Variants in UBE2J1 observed in about 807,000 individuals in gnomAD.
UBE2J1 encodes ubiquitin-conjugating enzyme E2 J1.
A neutral mutation model predicts 42.1 loss-of-function variants in UBE2J1; 17 were observed. That is an observed-to-expected ratio of 0.40 (90% CI 0.28 to 0.61). The LOEUF is 0.61. UBE2J1 is among the 20% of genes least tolerant of loss of function. The probability of loss-of-function intolerance (pLI) is 0.38; values close to 1 mark genes in which losing one functional copy is unlikely to be tolerated. For missense variants in UBE2J1, 291 were observed against 389.4 expected, an observed-to-expected ratio of 0.75 and a Z score of 2.13; for synonymous variants, 127 against 137.2, an observed-to-expected ratio of 0.93 and a Z score of 0.52.
At position 89,352,694 on chromosome 6, in the gene UBE2J1, C is replaced by T; in HGVS notation, c.-125G>A. On this transcript the variant is annotated 5_prime_UTR_variant, in exon 1 of 8. Coordinates refer to ENST00000435041, the MANE Select transcript of UBE2J1 (RefSeq NM_016021.3). ...GGCCGAGGAGCCTCGGCAAATGCCGCCCAGTCCAGCCTGGACTGCGGGCGG... is the reference window on the plus strand; with the variant it reads ...GGCCGAGGAGCCTCGGCAAATGCCGTCCAGTCCAGCCTGGACTGCGGGCGG... The T allele has an allele frequency of 8.8e-7, 1 of 1,133,156 alleles. No homozygotes were observed. Among genetic ancestry groups the T allele is most frequent in the Non-Finnish European group, 1.2e-6 (1 of 843,592 alleles). 70.2% of individuals were successfully genotyped at this position (1,133,156 alleles called of 1,614,324 possible).
At chr6:89,342,578 T>C (rs985256536) in intron 2 of UBE2J1, 123 bp from the exon 3 acceptor site, 7 of 846,294 alleles carry the variant, frequency 8.3e-6, no homozygotes, top group Non-Finnish European at 1.2e-5. Flanking sequence ...CTAGTATAGT[T>C]TCTAATGCAT....
At chr6:89,351,016 C>CT in intron 1 of UBE2J1, among the ~76,000 whole-genome samples, 2 of 144,686 alleles carry the variant, frequency 1.4e-5, no homozygotes, top group East Asian at 4.1e-4. Flanking sequence ...TTAAGCTTTT[C>CT]TTTCCCTCTT....
Position 89,338,458 on chromosome 6 carries a change from C to G in UBE2J1, c.322+1G>C. 6.2e-7 allele frequency: 1 copy of G among 1,609,594 alleles called. No individual in the cohort carries two copies. The highest frequency in any genetic ancestry group is 8.5e-7 in the Non-Finnish European group (1 of 1,177,746). ...TATATTCACTATAAATTAACACTTACTACTCCACGAAGGCTGCCAAGTTTC... is the reference window on the plus strand; with the variant it reads ...TATATTCACTATAAATTAACACTTAGTACTCCACGAAGGCTGCCAAGTTTC... On this transcript the variant is annotated splice_donor_variant, in intron 4 of 7. Coordinates refer to ENST00000435041, the MANE Select transcript of UBE2J1 (RefSeq NM_016021.3). LOFTEE classifies it high-confidence loss of function.
intron 7 of UBE2J1, among the ~76,000 whole-genome samples, chr6:89,330,208 A>C (rs1767984523): frequency 6.6e-6 from 1 of 152,180 alleles, no homozygotes; most frequent in Admixed American, 6.5e-5. Flanking sequence ...AATCCCTTAA[A>C]ACATTGGTCT....
intron 6 of UBE2J1, among the ~76,000 whole-genome samples, chr6:89,334,081 G>A (rs1768062911): frequency 6.6e-6 from 1 of 152,124 alleles, no homozygotes; most frequent in East Asian, 1.9e-4. Context: ...TTGGCTCACT[G>A]CAACCTCCAC....
At position 89,338,208 on chromosome 6, in the gene UBE2J1, T is replaced by C. The variant is rs776341233; in HGVS notation, c.425A>G (p.Lys142Arg). 41 of 1,609,998 alleles carry C rather than the reference T, an allele frequency of 2.5e-5. No homozygotes were observed. The highest frequency in any genetic ancestry group is 1.0e-4 in the Admixed American group (6 of 59,158). The change falls in exon 5 of 8, where the codon AAA (lysine) becomes AGA (arginine). Residue 142 changes from lysine (K) to arginine (R), a missense_variant. By Grantham distance (26) the Lys-to-Arg change is conservative. Transcript: ENST00000435041. ...AAGAATGAAATGCAAAACTTACTTT[T>C]TGGCAAGTGCTCTTCTTTCCTCAGG... is the stretch of plus-strand genomic sequence containing the variant. ...YTPEERRALAKKSQDFCCEGC... is the reference protein window; with the variant it reads ...YTPEERRALARKSQDFCCEGC...
At chr6:89,344,523 A>C (rs1582487290) in intron 1 of UBE2J1, among the ~76,000 whole-genome samples, 1 of 152,248 alleles carries the variant, frequency 6.6e-6, no homozygotes, top group East Asian at 1.9e-4. Flanking sequence ...CCCTTAATAA[A>C]ATCCAACTGT....
intron 5 of UBE2J1, among the ~76,000 whole-genome samples, chr6:89,336,978 T>C (rs991109489): frequency 6.6e-6 from 1 of 151,982 alleles, no homozygotes; most frequent in Non-Finnish European, 1.5e-5. Context: ...TAGCTGAGAC[T>C]ACAGGCACGT....
chr6:89,338,855 C>A (rs1040053719), intron 3 of UBE2J1, among the ~76,000 whole-genome samples: 1 of 151,724 alleles, frequency 6.6e-6, no homozygotes, highest in East Asian at 1.9e-4. Context: ...TTAGTAGAGA[C>A]GGGGTTTCAC....
chr6:89,333,435 A>T (rs1354342851), intron 6 of UBE2J1, among the ~76,000 whole-genome samples: 1 of 152,242 alleles, frequency 6.6e-6, no homozygotes, highest in Non-Finnish European at 1.5e-5. Context: ...GATGAGGGAC[A>T]AAACTAACAC....
chr6:89,340,856 A>G (rs549708791), intron 3 of UBE2J1, among the ~76,000 whole-genome samples: 27 of 151,570 alleles, frequency 1.8e-4, no homozygotes, highest in African/African-American at 6.5e-4. Context: ...GCTCACTGCA[A>G]GCTCCGCTTC....
chr6:89,332,952 C>T (rs1324044010), intron 7 of UBE2J1, 134 bp downstream of exon 7: 7 of 627,246 alleles, frequency 1.1e-5, no homozygotes, highest in Non-Finnish European at 9.9e-6. Flanking sequence ...AATTCATTAG[C>T]GGGACTGATG....
Position 89,329,976 on chromosome 6 carries a change from C to G in UBE2J1, c.679-19G>C, listed in dbSNP as rs764281364. On this transcript the variant is annotated intron_variant, in intron 7 of 7. Coordinates refer to ENST00000435041, the MANE Select transcript of UBE2J1 (RefSeq NM_016021.3). ...GTCCGTACTAGGAAATTTTAAGAAA[C>G]TTTGTTTGAAACTGGCAAAGAAGAT... 6.2e-7 allele frequency: 1 copy of G among 1,611,832 alleles called. No homozygotes were observed. The highest frequency in any genetic ancestry group is 8.5e-7 in the Non-Finnish European group (1 of 1,178,928).
intron 3 of UBE2J1, among the ~76,000 whole-genome samples, chr6:89,340,100 A>G (rs1047150040): frequency 1.6e-4 from 25 of 152,048 alleles, no homozygotes; most frequent in Non-Finnish European, 1.0e-4. Context: ...ACCTAACTAG[A>G]TGTTAGTGAG....
chr6:89,329,957 A>T lies in UBE2J1; in HGVS notation c.679T>A (p.Tyr227Asn). 6.2e-7 allele frequency: 1 copy of T among 1,613,352 alleles called. No individual in the cohort carries two copies. Among genetic ancestry groups the T allele is most frequent in the Non-Finnish European group, 8.5e-7 (1 of 1,179,736 alleles). ...TFQGATASTSYGLQNSSAASF... is the reference protein window; with the variant it reads ...TFQGATASTSNGLQNSSAASF... Reference sequence around the variant, plus strand: ...GCTGCTGAGGAATTCTGGAGTCCGTACTAGGAAATTTTAAGAAACTTTGTT... The same window carrying T: ...GCTGCTGAGGAATTCTGGAGTCCGTTCTAGGAAATTTTAAGAAACTTTGTT... The change falls in exon 8 of 8, where the codon TAC becomes AAC. Residue 227 changes from tyrosine (Y) to asparagine (N), a missense_variant and splice_region_variant. Physicochemically the swap from Tyr to Asn is moderately radical, Grantham distance 143. This residue lies in a region of UBE2J1 where 176 missense variants were observed against 196.3 expected (regional missense o/e 0.90). Coordinates refer to ENST00000435041, the MANE Select transcript of UBE2J1 (RefSeq NM_016021.3).
rs1767958869 is a variant in UBE2J1 at position 89,329,269 on chromosome 6, C to T, written c.*410G>A. The stretch of plus-strand genomic sequence containing the variant: ...CCTTTTCAACTCTTCTATCCCTATA[C>T]ATTCTACATACGTAGAAACAGAGTA... On this transcript the variant is annotated 3_prime_UTR_variant, in exon 8 of 8. Transcript: ENST00000435041. The T allele has an allele frequency of 9.9e-6, 2 of 201,018 alleles. No homozygotes were observed. Among genetic ancestry groups the T allele is most frequent in the Non-Finnish European group, 2.0e-5 (2 of 100,810 alleles). The allele number at this position is 201,018 out of a possible 1,614,324, so 12.5% of individuals were successfully genotyped here.
At chr6:89,343,864 G>T in intron 1 of UBE2J1, 108 bp from the exon 2 acceptor site, 1 of 736,946 alleles carries the variant, frequency 1.4e-6, no homozygotes, top group Non-Finnish European at 2.1e-6. Flanking sequence ...GTGCAAATGA[G>T]CATATGGCAA....
At chr6:89,346,157 G>T (rs61287921) in intron 1 of UBE2J1, among the ~76,000 whole-genome samples, 2 of 151,966 alleles carry the variant, frequency 1.3e-5, no homozygotes, top group Admixed American at 6.5e-5. Flanking sequence ...GATTACAGGC[G>T]GGAATCAGCA....
rs979101142 is a variant in UBE2J1, at chr6:89,326,738, A to C, written c.*2941T>G. ...TGCACAGCCTCCCATAAAACCTTAAAAAGTACATCTGTTAATGTGCACATT... is the reference window on the plus strand; with the variant it reads ...TGCACAGCCTCCCATAAAACCTTAACAAGTACATCTGTTAATGTGCACATT... On this transcript the variant is annotated 3_prime_UTR_variant, in exon 8 of 8. Transcript: ENST00000435041. The C allele has an allele frequency of 2.0e-5, 3 of 152,218 alleles. No homozygotes were observed. The highest frequency in any genetic ancestry group is 7.2e-5 in the African/African-American group (3 of 41,462). The allele number at this position is 152,218 out of a possible 1,614,324, so 9.4% of individuals were successfully genotyped here.
Sources: allele counts gnomAD v4.1 joint callset (sites outside exome capture counted in the v4.1 genomes callset), GRCh38; gene constraint gnomAD v4.1.1; regional missense constraint gnomAD v4.1.1; transcripts MANE v1.5; gene names NCBI Gene and HGNC (gene_info 2026-07-23, HGNC 2026-07-21).